FRMD4A: variants seen among roughly 807,000 people sequenced by gnomAD.
FRMD4A encodes FERM domain containing 4A, also known as FERM domain-containing protein 4A.
A neutral mutation model predicts 129.1 loss-of-function variants in FRMD4A; 29 were observed. That is an observed-to-expected ratio of 0.22 (90% CI 0.17 to 0.31). The LOEUF is 0.31. Ranked by LOEUF, FRMD4A falls within the 10% of genes least tolerant of loss-of-function variation. The pLI is 1.00. For missense variants in FRMD4A, 1,272 were observed against 1,375.8 expected (o/e 0.92, Z 1.19); for synonymous variants, 634 against 571.6 (o/e 1.11, Z -1.56).
intron 3 of FRMD4A, among the ~76,000 whole-genome samples, chr10:13,825,902 C>T (rs1358474549): frequency 1.3e-5 from 2 of 152,204 alleles, no homozygotes; most frequent in African/African-American, 4.8e-5. Context: ...TTAGCAGGGT[C>T]CTGCAACCAA....
At chr10:14,166,426 A>C (rs1357309914) in intron 2 of FRMD4A, among the ~76,000 whole-genome samples, 1 of 152,236 alleles carries the variant, frequency 6.6e-6, no homozygotes, top group East Asian at 1.9e-4. Flanking sequence ...AAGTAAGTGA[A>C]AATAAAGTCA....
chr10:13,883,151 G>A (rs1564967897), intron 2 of FRMD4A, among the ~76,000 whole-genome samples: 1 of 152,052 alleles, frequency 6.6e-6, no homozygotes, highest in Non-Finnish European at 1.5e-5. Context: ...CTAGGAGCGT[G>A]GTCAGTTTCA....
At chr10:13,699,526 C>A (rs2086599260) in intron 14 of FRMD4A, among the ~76,000 whole-genome samples, 1 of 152,178 alleles carries the variant, frequency 6.6e-6, no homozygotes, top group African/African-American at 2.4e-5. Context: ...GCTCAAGAGA[C>A]CGCCTATGCA....
rs2082282517 is a variant in FRMD4A at position 13,657,631 on chromosome 10, G to A, written c.2067-109C>T. ...GGGCACTGGGTGTCTGCACGCGGGC[G>A]CAGGCCCCAGCCCAGCAAGCCAGAG... On this transcript the variant is annotated intron_variant, in intron 21 of 24. Transcript: ENST00000357447. 6 of 1,403,322 alleles carry A rather than the reference G, an allele frequency of 4.3e-6. No homozygotes were observed. In the Admixed American group the frequency reaches 8.7e-5, roughly 20 times the overall value. The allele number at this position is 1,403,322 out of a possible 1,614,324, so 86.9% of individuals were successfully genotyped here.
In FRMD4A at chr10:13,693,696, T is replaced by TC. The variant is rs373609685; in HGVS notation, c.1117+201_1117+202insG. Reference sequence around the variant, plus strand: ...TGGTTCTACTGATGCTTTTTTTTTTTTTTTTCCCTTCCACTATTTGATTCC... The same window carrying TC: ...TGGTTCTACTGATGCTTTTTTTTTTTCTTTTTCCCTTCCACTATTTGATTCC... On this transcript the variant is annotated intron_variant, in intron 15 of 24. Coordinates refer to ENST00000357447, the MANE Select transcript of FRMD4A (RefSeq NM_018027.5). 323 of 727,322 alleles carry TC rather than the reference T, an allele frequency of 4.4e-4. 1 individual carries two copies. The African/African-American group carries it at 5.1e-3, about 11-fold the overall frequency. 45.1% of individuals were successfully genotyped at this position (727,322 alleles called of 1,614,324 possible).
chr10:14,239,653 A>C, intron 2 of FRMD4A, among the ~76,000 whole-genome samples: 1 of 104,218 alleles, frequency 9.6e-6, no homozygotes, highest in South Asian at 2.7e-4. Flanking sequence ...ACAAACAAAC[A>C]AAAAAAAACT....
At chr10:14,233,619 A>T (rs115679715) in intron 2 of FRMD4A, among the ~76,000 whole-genome samples, 3,116 of 152,272 alleles carry the variant, frequency 0.02, 102 homozygotes, top group African/African-American at 0.071. Flanking sequence ...TTGTGGCCCT[A>T]GTTAGTATAG....
At chr10:13,952,802 T>C (rs1039001114) in intron 2 of FRMD4A, among the ~76,000 whole-genome samples, 3 of 152,186 alleles carry the variant, frequency 2.0e-5, no homozygotes, top group Admixed American at 2.0e-4. Context: ...CAAGTGATTC[T>C]CCTGCCTCAG....
intron 2 of FRMD4A, among the ~76,000 whole-genome samples, chr10:13,879,043 C>T (rs1270946172): frequency 1.3e-5 from 2 of 152,062 alleles, no homozygotes; most frequent in Non-Finnish European, 2.9e-5. Flanking sequence ...GTGATGGTTT[C>T]CCAGGTATAG....
At chr10:14,014,342 C>T (rs1290938420) in intron 2 of FRMD4A, among the ~76,000 whole-genome samples, 2 of 152,074 alleles carry the variant, frequency 1.3e-5, no homozygotes, top group Non-Finnish European at 2.9e-5. Flanking sequence ...TATCACACGC[C>T]CCCCATTAAT....
intron 2 of FRMD4A, among the ~76,000 whole-genome samples, chr10:14,245,140 C>T (rs1403526554): frequency 6.6e-6 from 1 of 152,154 alleles, no homozygotes; most frequent in African/African-American, 2.4e-5. Context: ...TGCACAACCA[C>T]ACTTACGCTT....
chr10:14,089,636 A>AC (rs1248451454), intron 2 of FRMD4A, among the ~76,000 whole-genome samples: 122 of 141,284 alleles, frequency 8.6e-4, no homozygotes, highest in African/African-American at 2.6e-3. Flanking sequence ...AAAACAAAAA[A>AC]AAACAAACAA....
chr10:14,310,704 G>T (rs1161214553), intron 2 of FRMD4A, among the ~76,000 whole-genome samples: 1 of 152,154 alleles, frequency 6.6e-6, no homozygotes, highest in Non-Finnish European at 1.5e-5. Flanking sequence ...GGCACACCTA[G>T]CCCGAACCAG....
At chr10:14,055,450 CACACACACACAA>C (rs796122387) in intron 2 of FRMD4A, among the ~76,000 whole-genome samples, 54 of 17,908 alleles carry the variant, frequency 3.0e-3, no homozygotes, top group Admixed American at 5.9e-3. Context: ...CACACACACA[CACACACACACAA>C]ACACACACAC....
chr10:14,187,324 A>G (rs972776407), intron 2 of FRMD4A, among the ~76,000 whole-genome samples: 2 of 152,230 alleles, frequency 1.3e-5, no homozygotes, highest in Admixed American at 6.5e-5. Flanking sequence ...CCATCATTTC[A>G]CAGATAAGTA....
intron 2 of FRMD4A, among the ~76,000 whole-genome samples, chr10:14,023,203 C>T (rs1042474414): frequency 6.6e-6 from 1 of 152,214 alleles, no homozygotes; most frequent in African/African-American, 2.4e-5. Flanking sequence ...CCAGGCATAA[C>T]TTCCAACACG....
intron 2 of FRMD4A, among the ~76,000 whole-genome samples, chr10:14,281,066 C>T (rs926624425): frequency 1.5e-5 from 2 of 136,830 alleles, no homozygotes; most frequent in East Asian, 2.3e-4. Flanking sequence ...GATCTTGGCT[C>T]ACCACAACCT....
At chr10:13,905,736 AG>A (rs2094875376) in intron 2 of FRMD4A, among the ~76,000 whole-genome samples, 1 of 152,212 alleles carries the variant, frequency 6.6e-6, no homozygotes, top group Non-Finnish European at 1.5e-5. Context: ...ACTTGCCAAA[AG>A]TCTGTACCTA....
At chr10:14,060,759 C>T (rs1215881504) in intron 2 of FRMD4A, among the ~76,000 whole-genome samples, 1 of 152,116 alleles carries the variant, frequency 6.6e-6, no homozygotes, top group East Asian at 1.9e-4. Flanking sequence ...TTATTTGATT[C>T]ATGTTTTCTG....
Sources: gnomAD v4.1 joint callset for allele counts (sites outside exome capture counted in the v4.1 genomes callset) on GRCh38, gnomAD v4.1.1 for gene constraint, MANE v1.5 for transcripts, NCBI Gene and HGNC (gene_info 2026-07-23, HGNC 2026-07-21) for gene names.